EVC2: variants seen among roughly 807,000 people sequenced by gnomAD.
The protein encoded by EVC2 is limbin.
EVC2 carries 148 observed loss-of-function variants against 149.3 expected under a neutral mutation model. That is an observed-to-expected ratio of 0.99 (90% confidence interval 0.87 to 1.14). EVC2 has a LOEUF of 1.14. Ranked by LOEUF, EVC2 falls within the 50% of genes most tolerant of loss-of-function variation. EVC2 has a pLI of 0.00. For synonymous variants in EVC2, 776 were observed against 649.9 expected (o/e 1.19, Z -2.95); for missense variants, 1,854 against 1,627.3 (o/e 1.14, Z -2.40).
intron 16 of EVC2, among the ~76,000 whole-genome samples, chr4:5,609,240 G>GTTCC (rs1714635214): frequency 1.3e-5 from 2 of 151,958 alleles, no homozygotes; most frequent in Non-Finnish European, 2.9e-5. Flanking sequence ...TATCTGCTAT[G>GTTCC]GGTTCTGTTT....
intron 9 of EVC2, among the ~76,000 whole-genome samples, chr4:5,649,725 G>A (rs572325599): frequency 6.6e-6 from 1 of 152,154 alleles, no homozygotes. Flanking sequence ...CAAGGTAGCA[G>A]GTGTAAGCAC....
chr4:5,548,893 CTTG>C (rs1198943153), intron 21 of EVC2, among the ~76,000 whole-genome samples: 2 of 152,122 alleles, frequency 1.3e-5, no homozygotes, highest in African/African-American at 4.8e-5. Flanking sequence ...CTCTACTTTC[CTTG>C]TTGTTTTTAT....
chr4:5,600,840 C>T (rs959867200), intron 16 of EVC2, among the ~76,000 whole-genome samples: 3 of 152,254 alleles, frequency 2.0e-5, no homozygotes, highest in South Asian at 4.2e-4. Flanking sequence ...CTCAGCAGGC[C>T]ACTCTCTTCC....
At chr4:5,688,582 C>A (rs1427800520) in intron 5 of EVC2, among the ~76,000 whole-genome samples, 2 of 152,200 alleles carry the variant, frequency 1.3e-5, no homozygotes, top group Admixed American at 1.3e-4. Flanking sequence ...TGACCAATAA[C>A]AGCCCACCTC....
At chr4:5,615,685 G>A in intron 15 of EVC2, 141 bp from the exon 16 acceptor site, 1 of 1,221,438 alleles carries the variant, frequency 8.2e-7, no homozygotes, top group Non-Finnish European at 1.2e-6. Context: ...GAGAGGGGAG[G>A]AGAGAGGTAT....
rs1037284834 is a variant in EVC2, at chr4:5,702,443, A to G, written c.229-4796T>C. 5.3e-5 allele frequency among the ~76,000 whole-genome samples: 8 copies of G among 152,186 alleles called. No homozygotes were observed. In the South Asian group the frequency reaches 1.0e-3, roughly 20 times the overall value. ...GAGCCTGGCATCTAGAAGGCCCTCA[A>G]TAGACATTGCGAAAGAATGGCCCAG... On this transcript the variant is annotated intron_variant, in intron 1 of 21. Coordinates refer to ENST00000344408, the MANE Select transcript of EVC2 (RefSeq NM_147127.5).
intron 15 of EVC2, 63 bp from the exon 16 acceptor site, chr4:5,615,607 C>G: frequency 6.2e-7 from 1 of 1,612,728 alleles, no homozygotes; most frequent in South Asian, 1.1e-5. Context: ...ATGCAGCTCC[C>G]CCGAGGGCTT....
At chr4:5,577,112 C>T (rs892818439) in intron 17 of EVC2, among the ~76,000 whole-genome samples, 2 of 152,232 alleles carry the variant, frequency 1.3e-5, no homozygotes, top group African/African-American at 4.8e-5. Flanking sequence ...AACAATCCTT[C>T]AGAATACATA....
chr4:5,617,265 G>C (rs112637690), intron 15 of EVC2, among the ~76,000 whole-genome samples: 6,814 of 152,116 alleles, frequency 0.045, 481 homozygotes, highest in African/African-American at 0.15. Flanking sequence ...CCTCCTATAG[G>C]GCCACTCACT....
intron 16 of EVC2, among the ~76,000 whole-genome samples, chr4:5,598,183 A>G (rs1186568920): frequency 6.6e-6 from 1 of 152,122 alleles, no homozygotes; most frequent in Non-Finnish European, 1.5e-5. Flanking sequence ...CCATCCAGCT[A>G]CCAATGACTT....
intron 17 of EVC2, among the ~76,000 whole-genome samples, chr4:5,579,232 A>T (rs1394668543): frequency 6.6e-6 from 1 of 152,134 alleles, no homozygotes; most frequent in African/African-American, 2.4e-5. Flanking sequence ...TGGGCTTTGG[A>T]GGCAGGTTTA....
Position 5,584,717 on chromosome 4 carries a change from A to G in EVC2, c.2963T>C (p.Leu988Pro). 6.2e-7 allele frequency: 1 copy of G among 1,612,234 alleles called. No individual in the cohort carries two copies. The highest frequency in any genetic ancestry group is 8.5e-7 in the Non-Finnish European group (1 of 1,179,022). ...CAGGAGCAAGTCCTGGATGCTGAGGAGGGCGGTGTAGGCCGACAGAGTCTC... is the reference window on the plus strand; with the variant it reads ...CAGGAGCAAGTCCTGGATGCTGAGGGGGGCGGTGTAGGCCGACAGAGTCTC... ...VTETLSAYTA[L>P]LSIQDLLLEE... The change falls in exon 17 of 22, where the codon CTC (leucine) becomes CCC (proline). Residue 988 changes from leucine to proline, a missense_variant. Transcript: ENST00000344408.
At chr4:5,544,972 A>G (rs1721584672) in intron 21 of EVC2, among the ~76,000 whole-genome samples, 1 of 152,184 alleles carries the variant, frequency 6.6e-6, no homozygotes, top group Non-Finnish European at 1.5e-5. Context: ...CTCAAGCCTG[A>G]GCACATGCTG....
At chr4:5,593,434 T>G (rs532307204) in intron 16 of EVC2, among the ~76,000 whole-genome samples, 1 of 152,340 alleles carries the variant, frequency 6.6e-6, no homozygotes, top group Non-Finnish European at 1.5e-5. Context: ...TTCTTTCTTC[T>G]TAGGAGGTGA....
rs1720066282 is a variant in EVC2, at chr4:5,677,452, T to A, written c.870+3808A>T. 6.6e-6 allele frequency among the ~76,000 whole-genome samples: 1 copy of A among 152,180 alleles called. No homozygotes were observed. The highest frequency in any genetic ancestry group is 1.5e-5 in the Non-Finnish European group (1 of 68,032). On this transcript the variant is annotated intron_variant, in intron 7 of 21. Transcript: ENST00000344408. This position sits in a 1 kb window ranked among gnomAD's most constrained non-coding sequence, Gnocchi z 4.3. The stretch of plus-strand genomic sequence containing the variant: ...CGCCTGTCCTGGGGGCTGGTGTGGC[T>A]GAAATCCAGCCCCAGCTCCACGGCC...
intron 16 of EVC2, among the ~76,000 whole-genome samples, chr4:5,612,922 CAAAAAA>C (rs34505528): frequency 1.5e-4 from 4 of 26,800 alleles, no homozygotes; most frequent in Non-Finnish European, 2.7e-4. Flanking sequence ...ACTCTGTCTC[CAAAAAA>C]AAAAAAAAAA....
intron 16 of EVC2, among the ~76,000 whole-genome samples, chr4:5,587,423 G>A (rs1419964684): frequency 6.6e-6 from 1 of 152,188 alleles, no homozygotes; most frequent in African/African-American, 2.4e-5. Flanking sequence ...TCATCTACTT[G>A]TTGTATCAAA....
intron 16 of EVC2, among the ~76,000 whole-genome samples, chr4:5,594,215 C>A (rs533809805): frequency 3.9e-5 from 6 of 152,154 alleles, no homozygotes; most frequent in Non-Finnish European, 7.4e-5. Context: ...TTTGAAGAGA[C>A]CAGTGGTTCT....
At chr4:5,647,958 T>C (rs1469014068) in intron 9 of EVC2, among the ~76,000 whole-genome samples, 1 of 152,078 alleles carries the variant, frequency 6.6e-6, no homozygotes, top group African/African-American at 2.4e-5. Flanking sequence ...AGTCAGTGAA[T>C]GTAGGCAGCA....
Sources: allele counts gnomAD v4.1 joint callset (sites outside exome capture counted in the v4.1 genomes callset), GRCh38; gene constraint gnomAD v4.1.1; non-coding constraint Gnocchi (gnomAD v3.1); transcripts MANE v1.5; gene names NCBI Gene and HGNC (gene_info 2026-07-23, HGNC 2026-07-21).